The following PAK5 variants were observed in gnomAD, a reference collection of about 807,000 sequenced individuals.
The protein encoded by PAK5 is p21 (RAC1) activated kinase 5.
Under a neutral mutation model 65.9 loss-of-function variants are expected in PAK5, and 16 were observed. The ratio of observed to expected loss-of-function variants is 0.24; its 90% CI spans 0.16 to 0.37. The LOEUF (loss-of-function observed/expected upper bound fraction) is 0.37. PAK5 is among the 10% of genes least tolerant of loss of function. The pLI is 1.00. For synonymous variants in PAK5, 371 were observed against 354.9 expected, an observed-to-expected ratio of 1.05 and a Z score of -0.51; for missense variants, 785 against 903.9, an observed-to-expected ratio of 0.87 and a Z score of 1.69.
chr20:9,539,491 G>C lies in PAK5; in HGVS notation c.2131C>G (p.Pro711Ala), dbSNP rs1365993506. The C allele has an allele frequency of 6.2e-7, 1 of 1,614,016 alleles. No individual in the cohort carries two copies. The highest frequency in any genetic ancestry group is 2.2e-5 in the East Asian group (1 of 44,884). The part of the protein sequence containing the change: ...KLAGPPSCIV[P>A]LMRQYRHH Reference sequence around the variant, plus strand: ...TGATGCCTGTATTGTCTCATGAGGGGGACGATGCAAGACGGTGGACCTGCT... The same window carrying C: ...TGATGCCTGTATTGTCTCATGAGGGCGACGATGCAAGACGGTGGACCTGCT... Residue 711 changes from proline to alanine, a missense_variant, in exon 10 of 10, where the codon CCC (proline) becomes GCC (alanine). By Grantham distance (27) the Pro-to-Ala change is conservative. This residue lies in a region of PAK5 where 110 missense variants were observed against 107.4 expected (regional missense o/e 1.02). Coordinates refer to ENST00000353224, the MANE Select transcript of PAK5 (RefSeq NM_177990.4).
At chr20:9,589,149 A>G (rs2046121244) in intron 3 of PAK5, among the ~76,000 whole-genome samples, 1 of 152,244 alleles carries the variant, frequency 6.6e-6, no homozygotes, top group Non-Finnish European at 1.5e-5. Context: ...TCAGGTAAAT[A>G]TAGCTCAGGA....
chr20:9,747,432 C>T (rs1269117840), intron 1 of PAK5, among the ~76,000 whole-genome samples: 1 of 151,672 alleles, frequency 6.6e-6, no homozygotes. Context: ...TGCAAAAATC[C>T]TCAGTAAAAT....
chr20:9,812,107 T>C (rs1285577388), intron 1 of PAK5, among the ~76,000 whole-genome samples: 1 of 152,116 alleles, frequency 6.6e-6, no homozygotes, highest in East Asian at 1.9e-4. Flanking sequence ...TTCAAGAAAA[T>C]ATTTTTGAGC....
intron 1 of PAK5, among the ~76,000 whole-genome samples, chr20:9,826,408 G>T (rs1300516674): frequency 6.6e-6 from 1 of 152,064 alleles, no homozygotes; most frequent in Non-Finnish European, 1.5e-5. Context: ...GTTACCTAGG[G>T]GTTAGTAGGC....
At chr20:9,577,811 AC>A (rs1234397121) in intron 4 of PAK5, 1 of 152,030 alleles carries the variant, frequency 6.6e-6, no homozygotes, top group African/African-American at 2.4e-5. Flanking sequence ...AGGGCTGAAC[AC>A]CCTTGGTAGA....
chr20:9,571,533 A>T (rs2045781378), intron 4 of PAK5, among the ~76,000 whole-genome samples: 1 of 152,236 alleles, frequency 6.6e-6, no homozygotes, highest in South Asian at 2.1e-4. Flanking sequence ...GAGGGCGCCC[A>T]GCACACTGGC....
chr20:9,709,034 A>G (rs770877551), intron 2 of PAK5, among the ~76,000 whole-genome samples: 10 of 151,986 alleles, frequency 6.6e-5, no homozygotes, highest in Non-Finnish European at 1.2e-4. Context: ...GGGGAAATCA[A>G]CCTAAGGCAC....
intron 1 of PAK5, among the ~76,000 whole-genome samples, chr20:9,804,464 A>C (rs1427461993): frequency 6.6e-6 from 1 of 152,202 alleles, no homozygotes; most frequent in Non-Finnish European, 1.5e-5. Context: ...AATACATGGG[A>C]AAAAATCATA....
At chr20:9,762,306 A>G (rs2123650753) in intron 1 of PAK5, among the ~76,000 whole-genome samples, 1 of 152,344 alleles carries the variant, frequency 6.6e-6, no homozygotes, top group Non-Finnish European at 1.5e-5. Flanking sequence ...AAAGGAAACA[A>G]TTAACAAAAT....
At chr20:9,721,140 G>A (rs189350422) in intron 1 of PAK5, among the ~76,000 whole-genome samples, 1 of 152,172 alleles carries the variant, frequency 6.6e-6, no homozygotes, top group African/African-American at 2.4e-5. Flanking sequence ...AAAACATTTT[G>A]TAAAAATTGG....
chr20:9,654,639 A>G (rs1054148877), intron 2 of PAK5, among the ~76,000 whole-genome samples: 1 of 152,158 alleles, frequency 6.6e-6, no homozygotes. Context: ...GACCTTTTCT[A>G]TGACTTCTCA....
chr20:9,802,717 G>T (rs1010443276), intron 1 of PAK5, among the ~76,000 whole-genome samples: 1 of 151,512 alleles, frequency 6.6e-6, no homozygotes, highest in African/African-American at 2.4e-5. Context: ...TTGGACAGGG[G>T]TGGGAAAGTT....
At chr20:9,568,553 C>T (rs1383680518) in intron 4 of PAK5, among the ~76,000 whole-genome samples, 1 of 152,196 alleles carries the variant, frequency 6.6e-6, no homozygotes, top group Non-Finnish European at 1.5e-5. Context: ...CCCTTCTACA[C>T]TGTATTGGGA....
At chr20:9,789,434 T>A (rs1431416444) in intron 1 of PAK5, among the ~76,000 whole-genome samples, 1 of 152,180 alleles carries the variant, frequency 6.6e-6, no homozygotes, top group Non-Finnish European at 1.5e-5. Flanking sequence ...TACTTTAACT[T>A]TAAAAACTCA....
At position 9,725,381 on chromosome 20, in the gene PAK5, A is replaced by C. The variant is rs74813051; in HGVS notation, c.-161-13946T>G. Reference sequence around the variant, plus strand: ...TTTCTGCTTTGATTGCATAAAAATAAGACTGTACCATTTTTGGTCATCTTT... The same window carrying C: ...TTTCTGCTTTGATTGCATAAAAATACGACTGTACCATTTTTGGTCATCTTT... On this transcript the variant is annotated intron_variant, in intron 1 of 9. Transcript: ENST00000353224. 4.7e-4 allele frequency among the ~76,000 whole-genome samples: 72 copies of C among 152,310 alleles called. No homozygotes were observed. The East Asian group carries it at 0.012, about 26-fold the overall frequency.
intron 2 of PAK5, among the ~76,000 whole-genome samples, chr20:9,677,664 C>T (rs1327105269): frequency 3.9e-5 from 6 of 152,148 alleles, no homozygotes; most frequent in African/African-American, 9.6e-5. Flanking sequence ...TCAGTTTGAC[C>T]AGAAAACTGT....
At chr20:9,577,889 G>A (rs537332552) in intron 4 of PAK5, among the ~76,000 whole-genome samples, 1 of 152,142 alleles carries the variant, frequency 6.6e-6, no homozygotes, top group African/African-American at 2.4e-5. Context: ...AATAGTTTGT[G>A]CATTGTTTCT....
At chr20:9,778,586 T>C (rs1486553773) in intron 1 of PAK5, among the ~76,000 whole-genome samples, 3 of 152,154 alleles carry the variant, frequency 2.0e-5, no homozygotes, top group Non-Finnish European at 4.4e-5. Flanking sequence ...ACCTAACTTT[T>C]ATGGTGGTAT....
intron 3 of PAK5, among the ~76,000 whole-genome samples, chr20:9,619,608 C>T (rs2046733743): frequency 6.6e-6 from 1 of 152,190 alleles, no homozygotes; most frequent in African/African-American, 2.4e-5. Context: ...GCTCGCCTTT[C>T]CAAGGCAGCC....
Sources: allele counts gnomAD v4.1 joint callset (sites outside exome capture counted in the v4.1 genomes callset), GRCh38; gene constraint gnomAD v4.1.1; regional missense constraint gnomAD v4.1.1; transcripts MANE v1.5; gene names NCBI Gene and HGNC (gene_info 2026-07-23, HGNC 2026-07-21).